The following MTA3 variants were observed in gnomAD, a reference collection of about 807,000 sequenced individuals.
The protein encoded by MTA3 is metastasis-associated protein MTA3.
Under a neutral mutation model 83.5 loss-of-function variants are expected in MTA3, and 34 were observed. That is an observed-to-expected ratio of 0.41 (90% CI 0.31 to 0.54). The LOEUF (loss-of-function observed/expected upper bound fraction) is 0.54. MTA3 is among the 20% of genes least tolerant of loss of function. MTA3 has a pLI of 0.33. For missense variants in MTA3, 761 were observed against 726.4 expected (o/e 1.05, Z -0.55); for synonymous variants, 303 against 252.7 (o/e 1.20, Z -1.89).
At chr2:42,526,217 G>T (rs368933942) in intron 2 of MTA3, among the ~76,000 whole-genome samples, 2 of 151,732 alleles carry the variant, frequency 1.3e-5, no homozygotes, top group South Asian at 2.1e-4. Flanking sequence ...CTGGTTGTTT[G>T]CCCTGCTGGG....
chr2:42,704,815 A>T (rs925603314), intron 12 of MTA3, among the ~76,000 whole-genome samples: 4 of 152,188 alleles, frequency 2.6e-5, no homozygotes, highest in African/African-American at 9.7e-5. Flanking sequence ...TGGCCTCAGG[A>T]TCCCACTGTA....
chr2:42,505,743 T>A (rs556347543), intron 2 of MTA3, among the ~76,000 whole-genome samples: 25 of 150,882 alleles, frequency 1.7e-4, no homozygotes, highest in Middle Eastern at 3.4e-3. Flanking sequence ...GGAATATAGA[T>A]GAAACGAGAT....
chr2:42,514,111 G>T (rs959870020), intron 2 of MTA3, among the ~76,000 whole-genome samples: 1 of 152,160 alleles, frequency 6.6e-6, no homozygotes, highest in Non-Finnish European at 1.5e-5. Flanking sequence ...TACTTGGGAG[G>T]CTGAGGCAGG....
chr2:42,672,162 G>A (rs1210223944), intron 8 of MTA3, among the ~76,000 whole-genome samples: 1 of 151,926 alleles, frequency 6.6e-6, no homozygotes, highest in Non-Finnish European at 1.5e-5. Flanking sequence ...GGGGACATGG[G>A]GTCACTGTGA....
In MTA3 at chr2:42,755,872, C is replaced by G; in HGVS notation, c.*2473C>G. ...ACACAGGCTCTGCAGGCTATCTCCC[C>G]CTCTGGCTCAGTCATCGCCTGCCCA... is the stretch of plus-strand genomic sequence containing the variant. On this transcript the variant is annotated 3_prime_UTR_variant, in exon 17 of 17. Coordinates refer to ENST00000405094, the MANE Select transcript of MTA3 (RefSeq NM_001330442.2). 4 of 985,538 alleles carry G rather than the reference C, an allele frequency of 4.1e-6. No homozygotes were observed. The highest frequency in any genetic ancestry group is 4.7e-5 in the South Asian group (1 of 21,292). 61.0% of individuals were successfully genotyped at this position (985,538 alleles called of 1,614,324 possible). A position where few individuals can be genotyped will look rare whatever the true frequency, so the allele number is the denominator to read the frequency against.
At chr2:42,739,972 C>T (rs759010123) in intron 16 of MTA3, among the ~76,000 whole-genome samples, 3 of 152,224 alleles carry the variant, frequency 2.0e-5, no homozygotes, top group African/African-American at 4.8e-5. Context: ...GCAGTTACAT[C>T]CTCCACTGAA....
At chr2:42,524,089 C>G (rs915448248) in intron 2 of MTA3, among the ~76,000 whole-genome samples, 8 of 152,016 alleles carry the variant, frequency 5.3e-5, no homozygotes, top group African/African-American at 1.9e-4. Flanking sequence ...GGGGGCCATC[C>G]TAAGAAACAT....
chr2:42,592,108 A>T (rs1009131218), intron 3 of MTA3, among the ~76,000 whole-genome samples: 25 of 152,084 alleles, frequency 1.6e-4, no homozygotes, highest in African/African-American at 4.6e-4. Context: ...TACAAAAAAT[A>T]TAAAAATTAG....
At chr2:42,573,972 C>G (rs1438850952) in intron 2 of MTA3, among the ~76,000 whole-genome samples, 2 of 151,686 alleles carry the variant, frequency 1.3e-5, no homozygotes, top group Non-Finnish European at 2.9e-5. Flanking sequence ...GAGCCTGCCA[C>G]TACGCCTGGC....
chr2:42,669,083 ATT>A (rs761988223), intron 8 of MTA3, among the ~76,000 whole-genome samples: 67 of 130,700 alleles, frequency 5.1e-4, no homozygotes, highest in Admixed American at 6.3e-4. Flanking sequence ...GAAAATACAG[ATT>A]TTTTTTTTTT....
intron 4 of MTA3, among the ~76,000 whole-genome samples, chr2:42,622,887 T>A (rs1685719017): frequency 6.6e-6 from 1 of 152,156 alleles, no homozygotes; most frequent in African/African-American, 2.4e-5. Flanking sequence ...GTTGCTTATA[T>A]CATTAGATTG....
chr2:42,647,161 A>AAAAAAACAAAAAAC (rs1335185032), intron 6 of MTA3, among the ~76,000 whole-genome samples: 5 of 151,260 alleles, frequency 3.3e-5, no homozygotes, highest in South Asian at 2.1e-4. Flanking sequence ...TGTCTAAAAA[A>AAAAAAACAAAAAAC]AAAAAACAAA....
intron 2 of MTA3, among the ~76,000 whole-genome samples, chr2:42,499,946 A>C (rs1264706894): frequency 6.6e-6 from 1 of 151,188 alleles, no homozygotes; most frequent in Non-Finnish European, 1.5e-5. Context: ...ACCTCAATAA[A>C]GTGTTTTCTT....
chr2:42,737,035 C>T (rs1242473186), intron 16 of MTA3, among the ~76,000 whole-genome samples: 1 of 152,214 alleles, frequency 6.6e-6, no homozygotes, highest in Non-Finnish European at 1.5e-5. Context: ...ATCCTTTTCT[C>T]TCCTAAGCAG....
chr2:42,675,987 C>G (rs965523033), intron 8 of MTA3, among the ~76,000 whole-genome samples: 1 of 152,222 alleles, frequency 6.6e-6, no homozygotes, highest in Non-Finnish European at 1.5e-5. Flanking sequence ...CCTAGTAACT[C>G]CACAGTGTAC....
chr2:42,735,832 T>G (rs1668568683), intron 16 of MTA3, among the ~76,000 whole-genome samples: 1 of 152,204 alleles, frequency 6.6e-6, no homozygotes, highest in African/African-American at 2.4e-5. Context: ...AGCATCTTTC[T>G]TAATTTTATT....
At chr2:42,745,847 C>T (rs1213722824) in intron 16 of MTA3, among the ~76,000 whole-genome samples, 1 of 47,050 alleles carries the variant, frequency 2.1e-5, no homozygotes, top group Non-Finnish European at 4.3e-5. Context: ...CAGAGTCTCG[C>T]TCTGTCACCA....
intron 16 of MTA3, among the ~76,000 whole-genome samples, chr2:42,740,990 T>G (rs1668988664): frequency 6.6e-6 from 1 of 152,268 alleles, no homozygotes; most frequent in Admixed American, 6.5e-5. Flanking sequence ...AGTATAAGGC[T>G]GTTTTGTCTA....
chr2:42,745,397 A>G (rs1669333398), intron 16 of MTA3, among the ~76,000 whole-genome samples: 1 of 152,228 alleles, frequency 6.6e-6, no homozygotes, highest in South Asian at 2.1e-4. Context: ...CTGGGACTGA[A>G]CATTCAGCAG....
Sources: allele counts gnomAD v4.1 joint callset (sites outside exome capture counted in the v4.1 genomes callset), GRCh38; gene constraint gnomAD v4.1.1; transcripts MANE v1.5; gene names NCBI Gene and HGNC (gene_info 2026-07-23, HGNC 2026-07-21).